Variants in CAMK2D observed in about 807,000 individuals in gnomAD.
CAMK2D encodes the protein calcium/calmodulin-dependent protein kinase type II subunit delta.
In CAMK2D, 37 loss-of-function variants were observed where a neutral mutation model predicts 84.0. That is an observed-to-expected ratio of 0.44 (90% CI 0.34 to 0.58). CAMK2D has a LOEUF of 0.58. CAMK2D is among the 20% of genes least tolerant of loss of function. CAMK2D has a pLI of 0.02. For synonymous variants in CAMK2D, 202 were observed against 212.5 expected, an observed-to-expected ratio of 0.95 and a Z score of 0.43; for missense variants, 448 against 652.5, an observed-to-expected ratio of 0.69 and a Z score of 3.41.
chr4:113,550,343 T>A (rs2098616680), intron 5 of CAMK2D, among the ~76,000 whole-genome samples: 1 of 152,118 alleles, frequency 6.6e-6, no homozygotes, highest in Non-Finnish European at 1.5e-5. Flanking sequence ...TGGCTAAGTT[T>A]TGTATTTTCA....
chr4:113,660,864 C>T (rs2099227672), intron 3 of CAMK2D, among the ~76,000 whole-genome samples: 1 of 149,316 alleles, frequency 6.7e-6, no homozygotes, highest in African/African-American at 2.5e-5. Context: ...GGCGCAATCT[C>T]AGCTCACTGC....
chr4:113,733,433 C>T lies in CAMK2D; in HGVS notation c.160+25887G>A, dbSNP rs367757272. On this transcript the variant is annotated intron_variant, in intron 2 of 20. Coordinates refer to ENST00000511664, the MANE Select transcript of CAMK2D (RefSeq NM_001321571.2). ...GCTGTCTAATTTAAAAAACTGTACT[C>T]AGCAAGTGCAAATCCTTTTTTAATT... Among the ~76,000 whole-genome samples the T allele has an allele frequency of 3.9e-5, 6 of 152,192 alleles. No individual in the cohort carries two copies. In the East Asian group the frequency reaches 5.8e-4, roughly 15 times the overall value.
chr4:113,596,099 T>C (rs2098924995), intron 4 of CAMK2D, among the ~76,000 whole-genome samples: 1 of 152,220 alleles, frequency 6.6e-6, no homozygotes, highest in Admixed American at 6.5e-5. Context: ...CATTCAACAA[T>C]GTTCACAGTA....
intron 4 of CAMK2D, among the ~76,000 whole-genome samples, chr4:113,596,775 G>A (rs763860973): frequency 1.3e-5 from 2 of 151,912 alleles, no homozygotes; most frequent in Non-Finnish European, 2.9e-5. Flanking sequence ...TATATTTATT[G>A]AGTACAGGCA....
intron 3 of CAMK2D, among the ~76,000 whole-genome samples, chr4:113,611,055 C>T (rs2098998179): frequency 7.5e-6 from 1 of 133,676 alleles, no homozygotes; most frequent in African/African-American, 2.5e-5. Flanking sequence ...ATAACACACA[C>T]ACACACACAC....
At chr4:113,706,537 A>G (rs1181296668) in intron 2 of CAMK2D, among the ~76,000 whole-genome samples, 4 of 152,230 alleles carry the variant, frequency 2.6e-5, no homozygotes, top group Admixed American at 2.6e-4. Flanking sequence ...TTTATAAACT[A>G]TATAGGCTCT....
At chr4:113,705,249 C>T (rs1351201159) in intron 2 of CAMK2D, among the ~76,000 whole-genome samples, 4 of 150,944 alleles carry the variant, frequency 2.6e-5, no homozygotes, top group Admixed American at 2.6e-4. Context: ...ATGTAGTGAA[C>T]CCAGGAGGCG....
chr4:113,588,545 C>T (rs1348148035), intron 4 of CAMK2D, among the ~76,000 whole-genome samples: 2 of 152,276 alleles, frequency 1.3e-5, no homozygotes, highest in East Asian at 1.9e-4. Context: ...AAATCAATTT[C>T]TATGATTCTG....
chr4:113,701,428 T>TA (rs1349108030), intron 2 of CAMK2D, among the ~76,000 whole-genome samples: 1 of 152,180 alleles, frequency 6.6e-6, no homozygotes. Flanking sequence ...AGAATTCCCT[T>TA]GGGATCAGAA....
At chr4:113,678,556 CA>C (rs913573986) in intron 2 of CAMK2D, among the ~76,000 whole-genome samples, 4 of 151,710 alleles carry the variant, frequency 2.6e-5, no homozygotes, top group Admixed American at 2.6e-4. Flanking sequence ...GTATAATGAT[CA>C]AATTAGGGTA....
Position 113,626,863 on chromosome 4 carries a change from A to G in CAMK2D, c.221-17657T>C, listed in dbSNP as rs145147381. The stretch of plus-strand genomic sequence containing the variant: ...ACTCTCTTCAGTGGAGATTTAGGAT[A>G]TTGGTTAAGAAGGGCAATTTAATTT... On this transcript the variant is annotated intron_variant, in intron 3 of 20. Transcript: ENST00000511664. Among the ~76,000 whole-genome samples, 7 of 152,298 alleles carry G rather than the reference A, an allele frequency of 4.6e-5. No individual in the cohort carries two copies. In the East Asian group the frequency reaches 1.4e-3, roughly 29 times the overall value.
intron 7 of CAMK2D, among the ~76,000 whole-genome samples, chr4:113,536,923 T>C (rs2098496814): frequency 6.6e-6 from 1 of 152,188 alleles, no homozygotes; most frequent in South Asian, 2.1e-4. Context: ...AATCATAAAG[T>C]ATTATATGTG....
intron 2 of CAMK2D, chr4:113,753,742 A>G: frequency 1.1e-6 from 1 of 893,622 alleles, no homozygotes; most frequent in Non-Finnish European, 1.3e-6. Flanking sequence ...TATTTAAACT[A>G]CTTTGAGCAA....
chr4:113,554,243 G>A (rs2098649264), intron 4 of CAMK2D, among the ~76,000 whole-genome samples: 1 of 152,036 alleles, frequency 6.6e-6, no homozygotes, highest in South Asian at 2.1e-4. Flanking sequence ...ATGATTAAAT[G>A]AATTAACCCA....
chr4:113,733,046 AG>A (rs1414333935), intron 2 of CAMK2D, among the ~76,000 whole-genome samples: 1 of 152,214 alleles, frequency 6.6e-6, no homozygotes, highest in East Asian at 1.9e-4. Flanking sequence ...TTTAACAAAA[AG>A]TTGGCCCCTG....
At chr4:113,665,865 T>A (rs922945203) in intron 2 of CAMK2D, among the ~76,000 whole-genome samples, 11 of 152,330 alleles carry the variant, frequency 7.2e-5, no homozygotes, top group African/African-American at 2.2e-4. Flanking sequence ...AAATACATCA[T>A]CATTTGGTTT....
chr4:113,714,015 C>G (rs1252180774), intron 2 of CAMK2D, among the ~76,000 whole-genome samples: 1 of 151,924 alleles, frequency 6.6e-6, no homozygotes, highest in East Asian at 1.9e-4. Context: ...CTATATCATA[C>G]AGATACTCTT....
chr4:113,475,706 C>T (rs1311857024), intron 16 of CAMK2D, among the ~76,000 whole-genome samples: 5 of 152,184 alleles, frequency 3.3e-5, no homozygotes, highest in Non-Finnish European at 7.3e-5. Context: ...AGAGACTGTC[C>T]AGATAACAAA....
At chr4:113,492,571 C>A (rs2154140412) in intron 16 of CAMK2D, among the ~76,000 whole-genome samples, 1 of 151,842 alleles carries the variant, frequency 6.6e-6, no homozygotes, top group Admixed American at 6.6e-5. Flanking sequence ...ACTATGTGGT[C>A]AATTTTGGAA....
Sources: allele counts gnomAD v4.1 joint callset (sites outside exome capture counted in the v4.1 genomes callset), GRCh38; gene constraint gnomAD v4.1.1; transcripts MANE v1.5; gene names NCBI Gene and HGNC (gene_info 2026-07-23, HGNC 2026-07-21).